Variants in RBFOX1 observed in about 807,000 individuals in gnomAD.
RBFOX1 encodes the protein RNA binding fox-1 homolog 1, also known as RNA binding protein fox-1 homolog 1.
RBFOX1 carries 8 observed loss-of-function variants against 57.7 expected under a neutral mutation model. The ratio of observed to expected loss-of-function variants is 0.14; its 90% CI spans 0.08 to 0.25. The LOEUF is 0.25. Among genes scored for constraint, RBFOX1 ranks in the 10% least tolerant of loss-of-function variants. RBFOX1 has a pLI of 1.00. For synonymous variants in RBFOX1, 326 were observed against 222.4 expected, an observed-to-expected ratio of 1.47 and a Z score of -4.15; for missense variants, 611 against 548.5, an observed-to-expected ratio of 1.11 and a Z score of -1.14.
At chr16:6,741,887 G>A (rs2072264886) in intron 3 of RBFOX1, among the ~76,000 whole-genome samples, 1 of 152,138 alleles carries the variant, frequency 6.6e-6, no homozygotes, top group Admixed American at 6.5e-5. Flanking sequence ...TAGTTAGATA[G>A]GAGGAATAAG....
At chr16:6,188,513 G>A (rs760134422) in intron 1 of RBFOX1, among the ~76,000 whole-genome samples, 14 of 150,766 alleles carry the variant, frequency 9.3e-5, no homozygotes, top group Non-Finnish European at 1.6e-4. Flanking sequence ...TTCAGACAAC[G>A]CAAAGAGGTG....
At chr16:5,854,177 A>G (rs1407803977) in intron 3 of RBFOX1, among the ~76,000 whole-genome samples, 1 of 152,206 alleles carries the variant, frequency 6.6e-6, no homozygotes, top group Non-Finnish European at 1.5e-5. Flanking sequence ...TTATGATTTG[A>G]GTGTGCCTGG....
chr16:5,518,937 G>C (rs944511746), intron 2 of RBFOX1, among the ~76,000 whole-genome samples: 2 of 152,156 alleles, frequency 1.3e-5, no homozygotes, highest in Admixed American at 1.3e-4. Context: ...TGTATTTGGA[G>C]ATAAGACCTT....
chr16:5,490,470 A>C (rs1227536021), intron 2 of RBFOX1, among the ~76,000 whole-genome samples: 3 of 152,196 alleles, frequency 2.0e-5, no homozygotes, highest in African/African-American at 7.2e-5. Context: ...AGGCAGAGAG[A>C]GGCGTCCTGG....
chr16:7,480,250 A>G (rs2151192975), intron 4 of RBFOX1, among the ~76,000 whole-genome samples: 1 of 152,280 alleles, frequency 6.6e-6, no homozygotes, highest in Non-Finnish European at 1.5e-5. Flanking sequence ...GAAGCAACTT[A>G]GGGTTTTGGC....
chr16:6,893,943 A>C (rs1348840647), intron 3 of RBFOX1, among the ~76,000 whole-genome samples: 1 of 152,178 alleles, frequency 6.6e-6, no homozygotes, highest in Non-Finnish European at 1.5e-5. Flanking sequence ...ACATAGAGAG[A>C]ACATGATAAT....
rs1195230292 is a variant in RBFOX1, at chr16:6,877,056, G to T, written c.-15-175001G>T. 5.3e-5 allele frequency among the ~76,000 whole-genome samples: 8 copies of T among 152,092 alleles called. 1 individual carries two copies. Among genetic ancestry groups the T allele is most frequent in the East Asian group, 1.9e-4 (1 of 5,198 alleles). On this transcript the variant is annotated intron_variant, in intron 3 of 15. Transcript: ENST00000550418. ...TATTAAATATTCATATGTATATTTTGTGTTTGCTTCATAACTGGCCATTTA... is the reference window on the plus strand; with the variant it reads ...TATTAAATATTCATATGTATATTTTTTGTTTGCTTCATAACTGGCCATTTA...
chr16:5,544,604 T>C (rs2045106681), intron 2 of RBFOX1, among the ~76,000 whole-genome samples: 1 of 152,066 alleles, frequency 6.6e-6, no homozygotes, highest in Admixed American at 6.6e-5. Context: ...AACCAACAGC[T>C]AGTTCTTTGG....
At chr16:6,984,858 C>G (rs956924847) in intron 3 of RBFOX1, among the ~76,000 whole-genome samples, 3 of 152,076 alleles carry the variant, frequency 2.0e-5, no homozygotes, top group Admixed American at 6.6e-5. Flanking sequence ...TCAGGCTGGT[C>G]TTGAACTCCT....
At chr16:6,831,005 G>A (rs996095309) in intron 3 of RBFOX1, among the ~76,000 whole-genome samples, 1 of 152,072 alleles carries the variant, frequency 6.6e-6, no homozygotes, top group Non-Finnish European at 1.5e-5. Flanking sequence ...TAGAACCTTC[G>A]GATTTACCAT....
chr16:7,391,484 A>G (rs1346874540), intron 4 of RBFOX1, among the ~76,000 whole-genome samples: 1 of 152,174 alleles, frequency 6.6e-6, no homozygotes, highest in African/African-American at 2.4e-5. Context: ...TTTCTTGCAT[A>G]GCTAACACCC....
chr16:6,587,109 C>A (rs1481180429), intron 2 of RBFOX1, among the ~76,000 whole-genome samples: 1 of 151,978 alleles, frequency 6.6e-6, no homozygotes, highest in African/African-American at 2.4e-5. Flanking sequence ...CCATGATGTA[C>A]AACAGGTCTG....
At chr16:6,301,748 A>C (rs2078842715) in intron 1 of RBFOX1, among the ~76,000 whole-genome samples, 1 of 152,212 alleles carries the variant, frequency 6.6e-6, no homozygotes, top group African/African-American at 2.4e-5. Context: ...AATGCTCAAT[A>C]AATGCTAGAA....
intron 2 of RBFOX1, among the ~76,000 whole-genome samples, chr16:5,548,062 G>A (rs1315464878): frequency 2.0e-5 from 3 of 151,078 alleles, no homozygotes; most frequent in African/African-American, 7.3e-5. Flanking sequence ...TTGGGAAGCT[G>A]AGACAGGAGA....
At chr16:5,709,889 T>C (rs1224173193) in intron 3 of RBFOX1, among the ~76,000 whole-genome samples, 2 of 121,852 alleles carry the variant, frequency 1.6e-5, no homozygotes, top group Non-Finnish European at 3.4e-5. Flanking sequence ...CCATTTCCTT[T>C]ATTCTTCACA....
rs201213851 is a variant in RBFOX1, at chr16:7,292,405, GTATTA to G, written c.28-225733_28-225729del. ...ATATACATGATATATAATATGTAAT[GTATTA>G]TATTATATATATAAGGTATTATATA... is the stretch of plus-strand genomic sequence containing the variant. On this transcript the variant is annotated intron_variant, in intron 4 of 15. Coordinates refer to ENST00000550418, the MANE Select transcript of RBFOX1 (RefSeq NM_018723.4). Among the ~76,000 whole-genome samples, 1,214 of 137,776 alleles carry G rather than the reference GTATTA, an allele frequency of 8.8e-3. 24 individuals are homozygous for G. The highest frequency in any genetic ancestry group is 0.026 in the African/African-American group (983 of 37,132). 90.4% of individuals were successfully genotyped at this position (137,776 alleles called of 152,430 possible).
intron 2 of RBFOX1, among the ~76,000 whole-genome samples, chr16:6,623,434 G>A (rs1462891887): frequency 3.4e-5 from 3 of 88,154 alleles, no homozygotes; most frequent in Non-Finnish European, 7.5e-5. Context: ...ATATTGTTAG[G>A]TGAAAATTCT....
At chr16:5,464,277 G>T (rs2068886061) in intron 1 of RBFOX1, among the ~76,000 whole-genome samples, 2 of 152,224 alleles carry the variant, frequency 1.3e-5, no homozygotes, top group African/African-American at 4.8e-5. Flanking sequence ...ACAGTCAGGG[G>T]TCCCCAGTGG....
At chr16:7,003,003 G>C (rs1030865613) in intron 3 of RBFOX1, among the ~76,000 whole-genome samples, 2 of 151,188 alleles carry the variant, frequency 1.3e-5, no homozygotes, top group African/African-American at 4.9e-5. Flanking sequence ...ACTATGAGTG[G>C]ATCTTGGTGG....
Sources: gnomAD v4.1 joint callset for allele counts (sites outside exome capture counted in the v4.1 genomes callset) on GRCh38, gnomAD v4.1.1 for gene constraint, MANE v1.5 for transcripts, NCBI Gene and HGNC (gene_info 2026-07-23, HGNC 2026-07-21) for gene names.